ARHGAP20: variants seen among roughly 807,000 people sequenced by gnomAD.
ARHGAP20 encodes the protein rho GTPase-activating protein 20.
Under a neutral mutation model 73.7 loss-of-function variants are expected in ARHGAP20, and 34 were observed. The ratio of observed to expected loss-of-function variants is 0.46; its 90% confidence interval spans 0.35 to 0.61. The LOEUF (loss-of-function observed/expected upper bound fraction) is 0.61. Ranked by LOEUF, ARHGAP20 falls within the 20% of genes least tolerant of loss-of-function variation. The pLI is 0.00. For missense variants in ARHGAP20, 1,314 were observed against 1,420.9 expected, an observed-to-expected ratio of 0.92 and a Z score of 1.21; for synonymous variants, 523 against 518.2, an observed-to-expected ratio of 1.01 and a Z score of -0.13.
At chr11:110,682,704 T>TA (rs1213647017) in intron 2 of ARHGAP20, among the ~76,000 whole-genome samples, 4 of 152,152 alleles carry the variant, frequency 2.6e-5, no homozygotes, top group Admixed American at 2.0e-4. Context: ...GCTTGAGTCT[T>TA]AAAAATTATA....
chr11:110,681,665 G>A (rs188680815), intron 2 of ARHGAP20, among the ~76,000 whole-genome samples: 25 of 152,272 alleles, frequency 1.6e-4, no homozygotes, highest in Non-Finnish European at 1.5e-5. Flanking sequence ...GAAAAAGGAA[G>A]TGGAATAATG....
At chr11:110,585,276 T>G (rs937727842) in intron 12 of ARHGAP20, among the ~76,000 whole-genome samples, 2 of 151,490 alleles carry the variant, frequency 1.3e-5, no homozygotes, top group East Asian at 3.9e-4. Context: ...GAGTCATAAT[T>G]TTACCTTTTT....
chr11:110,684,928 G>T (rs761975265), intron 2 of ARHGAP20, among the ~76,000 whole-genome samples: 35 of 152,034 alleles, frequency 2.3e-4, no homozygotes, highest in Non-Finnish European at 4.3e-4. Context: ...AGAGGGAAGT[G>T]GGGGGCAAGT....
intron 6 of ARHGAP20, 52 bp from the exon 7 acceptor site, chr11:110,611,438 G>A: frequency 3.2e-6 from 3 of 942,666 alleles, no homozygotes; most frequent in East Asian, 3.0e-5. Flanking sequence ...TTTTAAAACA[G>A]GTTAACAAAT....
intron 3 of ARHGAP20, among the ~76,000 whole-genome samples, chr11:110,627,255 A>AT (rs1347429385): frequency 2.0e-5 from 3 of 151,830 alleles, no homozygotes; most frequent in East Asian, 1.9e-4. Flanking sequence ...CGCCCGGCTA[A>AT]TTTTTTTGTA....
chr11:110,674,817 A>G (rs142631818), intron 2 of ARHGAP20, among the ~76,000 whole-genome samples: 13 of 152,302 alleles, frequency 8.5e-5, no homozygotes, highest in African/African-American at 3.1e-4. Context: ...TCAGTTAATG[A>G]TTGATGTCAT....
intron 1 of ARHGAP20, among the ~76,000 whole-genome samples, chr11:110,696,215 G>A (rs894727415): frequency 6.6e-5 from 10 of 151,652 alleles, no homozygotes; most frequent in South Asian, 2.1e-4. Flanking sequence ...TCTTTCTGAG[G>A]TAATGAAAAT....
chr11:110,701,273 C>T (rs1461427288), intron 1 of ARHGAP20, among the ~76,000 whole-genome samples: 1 of 150,896 alleles, frequency 6.6e-6, no homozygotes, highest in Non-Finnish European at 1.5e-5. Context: ...TTAATGATTG[C>T]CATTCTAACT....
intron 9 of ARHGAP20, among the ~76,000 whole-genome samples, chr11:110,597,798 C>G (rs991244389): frequency 1.3e-5 from 2 of 152,262 alleles, no homozygotes; most frequent in Non-Finnish European, 2.9e-5. Flanking sequence ...TATATACACA[C>G]GGCATTCAAC....
At chr11:110,678,308 T>C (rs575194811) in intron 2 of ARHGAP20, among the ~76,000 whole-genome samples, 1 of 152,312 alleles carries the variant, frequency 6.6e-6, no homozygotes, top group African/African-American at 2.4e-5. Flanking sequence ...CACATCCCTG[T>C]GGATATAGTA....
chr11:110,590,947 G>T, intron 10 of ARHGAP20, 138 bp from the exon 11 acceptor site: 2 of 911,678 alleles, frequency 2.2e-6, no homozygotes, highest in Non-Finnish European at 3.1e-6. Context: ...ATAAATGGCC[G>T]GAAAAATTAA....
At position 110,590,811 on chromosome 11, in the gene ARHGAP20, T is replaced by TATG. The variant is rs1159362427; in HGVS notation, c.1144-5_1144-3dup. The TATG allele has an allele frequency of 6.2e-7, 1 of 1,610,636 alleles. No homozygotes were observed. The highest frequency in any genetic ancestry group is 1.7e-5 in the Admixed American group (1 of 59,302). On this transcript the variant is annotated splice_polypyrimidine_tract_variant and splice_region_variant and intron_variant, in intron 10 of 14. Coordinates refer to ENST00000683387, the MANE Select transcript of ARHGAP20 (RefSeq NM_001384657.1). ...TTGATTAAGAAAGAAAAGCATATCC[T>TATG]ATGGGGAAGCAAAGGAAAATAAACA...
intron 2 of ARHGAP20, among the ~76,000 whole-genome samples, chr11:110,662,230 C>T (rs1949630388): frequency 6.6e-6 from 1 of 151,526 alleles, no homozygotes; most frequent in Non-Finnish European, 1.5e-5. Flanking sequence ...ATTGAGGAGA[C>T]AGAAATAGAA....
At chr11:110,632,158 C>A (rs757532048) in intron 2 of ARHGAP20, among the ~76,000 whole-genome samples, 6 of 152,042 alleles carry the variant, frequency 3.9e-5, no homozygotes, top group Non-Finnish European at 8.8e-5. Context: ...TGGTACTAGT[C>A]TTTTTGTATC....
chr11:110,679,161 T>A (rs1949989729), intron 2 of ARHGAP20, among the ~76,000 whole-genome samples: 1 of 152,166 alleles, frequency 6.6e-6, no homozygotes, highest in Non-Finnish European at 1.5e-5. Context: ...CAGTTTCTCA[T>A]CTTGTGGGTT....
chr11:110,630,940 C>A, intron 2 of ARHGAP20, 148 bp from the exon 3 acceptor site: 1 of 709,818 alleles, frequency 1.4e-6, no homozygotes, highest in Non-Finnish European at 2.2e-6. Context: ...TTTAATATTT[C>A]ATTATGAAAA....
intron 2 of ARHGAP20, among the ~76,000 whole-genome samples, chr11:110,687,057 G>C (rs28574895): frequency 2.4e-4 from 28 of 117,672 alleles, no homozygotes; most frequent in East Asian, 1.5e-3. Flanking sequence ...TATATATATA[G>C]ACACACACAC....
At chr11:110,704,592 GC>G (rs1950518981) in intron 1 of ARHGAP20, among the ~76,000 whole-genome samples, 2 of 152,090 alleles carry the variant, frequency 1.3e-5, no homozygotes, top group Admixed American at 6.5e-5. Context: ...TTGCCTACAA[GC>G]CTCATTATTG....
chr11:110,691,647 G>T (rs1285994002), intron 1 of ARHGAP20, among the ~76,000 whole-genome samples: 1 of 152,148 alleles, frequency 6.6e-6, no homozygotes, highest in African/African-American at 2.4e-5. Context: ...TAGGAATAAA[G>T]AAAGAATCAT....
Sources: gnomAD v4.1 joint callset for allele counts (sites outside exome capture counted in the v4.1 genomes callset) on GRCh38, gnomAD v4.1.1 for gene constraint, MANE v1.5 for transcripts, NCBI Gene and HGNC (gene_info 2026-07-23, HGNC 2026-07-21) for gene names.